The following EPG5 variants were observed in gnomAD, a reference collection of about 807,000 sequenced individuals.
EPG5 encodes the protein ectopic P granules protein 5 homolog.
Under a neutral mutation model 302.7 loss-of-function variants are expected in EPG5, and 159 were observed. The observed-to-expected ratio is 0.53, with a 90% CI of 0.46 to 0.60. EPG5 has a LOEUF of 0.60. Ranked by LOEUF, EPG5 falls within the 20% of genes least tolerant of loss-of-function variation. The pLI is 0.00. For missense variants in EPG5, 2,896 were observed against 3,092.4 expected, an observed-to-expected ratio of 0.94 and a Z score of 1.51; for synonymous variants, 1,158 against 1,136.8, an observed-to-expected ratio of 1.02 and a Z score of -0.37.
At position 45,910,515 on chromosome 18, in the gene EPG5, A is replaced by G; in HGVS notation, c.4205+6T>C. On this transcript the variant is annotated splice_donor_region_variant and intron_variant, in intron 23 of 43. Coordinates refer to ENST00000282041, the MANE Select transcript of EPG5 (RefSeq NM_020964.3). ...ACAATGTAGGTGGCTAAATAACCAT[A>G]CTCACCTCACCAGCTCCTTGTGCAG... The G allele has an allele frequency of 6.3e-7, 1 of 1,593,754 alleles. No individual in the cohort carries two copies. The highest frequency in any genetic ancestry group is 1.1e-5 in the South Asian group (1 of 88,608).
rs2050980312 is a variant in EPG5 at position 45,954,471 on chromosome 18, G to C, written c.931C>G (p.Leu311Val). The C allele has an allele frequency of 1.2e-6, 2 of 1,614,210 alleles. No homozygotes were observed. Among genetic ancestry groups the C allele is most frequent in the Non-Finnish European group, 1.7e-6 (2 of 1,180,030 alleles). ...RKQLLLAEAE[L>V]LTLTSDCQNA... ...TGGCAATCAGATGTCAGAGTAAGCAGCTCAGCTTCAGCCAGCAGCAGTTGC... is the reference window on the plus strand; with the variant it reads ...TGGCAATCAGATGTCAGAGTAAGCACCTCAGCTTCAGCCAGCAGCAGTTGC... The change falls in exon 2 of 44, where the codon CTG becomes GTG. Residue 311 changes from leucine to valine, a missense_variant. Physicochemically the swap from Leu to Val is conservative, Grantham distance 32. Around this residue, in one of 5 missense-constraint regions of EPG5, gnomAD observed 1,390 missense variants for 1,430.0 expected, o/e 0.97. Transcript: ENST00000282041.
chr18:45,903,142 T>C (rs1247850813), intron 25 of EPG5, among the ~76,000 whole-genome samples: 1 of 152,192 alleles, frequency 6.6e-6, no homozygotes, highest in African/African-American at 2.4e-5. Context: ...CTTTCAGGAA[T>C]AGAAAAATGA....
intron 32 of EPG5, among the ~76,000 whole-genome samples, chr18:45,879,667 C>A (rs112714522): frequency 1.1e-3 from 162 of 152,272 alleles, no homozygotes; most frequent in Non-Finnish European, 1.7e-3. Context: ...CCGCGCCAGG[C>A]CATCAGTGGG....
chr18:45,926,597 T>G (rs1425668118), intron 13 of EPG5, among the ~76,000 whole-genome samples: 1 of 151,870 alleles, frequency 6.6e-6, no homozygotes. Context: ...GGGGCCCAGG[T>G]GGACAGATCA....
At chr18:45,875,409 A>C (rs760380571) in intron 35 of EPG5, among the ~76,000 whole-genome samples, 3 of 152,228 alleles carry the variant, frequency 2.0e-5, no homozygotes, top group Non-Finnish European at 4.4e-5. Flanking sequence ...GGAAATAAAA[A>C]ATAGAATTTT....
rs762400421 is a variant in EPG5 at position 45,866,900 on chromosome 18, C to G, written c.6519G>C (p.Pro2173=). The G allele has an allele frequency of 2.5e-6, 4 of 1,613,830 alleles. No individual in the cohort carries two copies. The highest frequency in any genetic ancestry group is 1.3e-5 in the African/African-American group (1 of 74,906). The part of the protein sequence containing the change: ...SVLSYFSSHY[P]PSIILAKESY... ...ATTCTTTTGCCAGGATGATGGACGG[C>G]GGGTAATGGCTGCTGAAATAACTTA... Residue 2173 remains proline (P), a synonymous_variant, in exon 38 of 44, where the codon CCG becomes CCC. Transcript: ENST00000282041.
At chr18:45,917,893 G>C in intron 16 of EPG5, 74 bp from the exon 17 acceptor site, 1 of 1,550,276 alleles carries the variant, frequency 6.5e-7, no homozygotes, top group Non-Finnish European at 8.8e-7. Flanking sequence ...AATGAGTTAT[G>C]AGCCTTCAAT....
the EPG5 span, among the ~76,000 whole-genome samples, chr18:45,824,951 G>A: frequency 1.3e-5 from 2 of 152,010 alleles, no homozygotes; most frequent in African/African-American, 4.8e-5. Flanking sequence ...ACCCCCAAGT[G>A]CCAAGGGAAG....
At chr18:45,931,119 C>G (rs1388095076) in intron 11 of EPG5, among the ~76,000 whole-genome samples, 1 of 152,222 alleles carries the variant, frequency 6.6e-6, no homozygotes, top group African/African-American at 2.4e-5. Flanking sequence ...TAGCATGTCA[C>G]TGGTGACGTG....
At chr18:45,814,659 G>A in the EPG5 span, among the ~76,000 whole-genome samples, 1 of 152,088 alleles carries the variant, frequency 6.6e-6, no homozygotes, top group East Asian at 1.9e-4. Context: ...GAGGTTGAAG[G>A]GTCCCTAGAG....
At chr18:45,802,059 C>T in the EPG5 span, among the ~76,000 whole-genome samples, 1 of 152,156 alleles carries the variant, frequency 6.6e-6, no homozygotes, top group East Asian at 1.9e-4. Flanking sequence ...CTCCCTCCTA[C>T]CCCCAGCTCT....
At chr18:45,895,619 G>A (rs949503874) in intron 27 of EPG5, among the ~76,000 whole-genome samples, 13 of 152,138 alleles carry the variant, frequency 8.5e-5, no homozygotes, top group African/African-American at 2.9e-4. Flanking sequence ...AAGAAACCCT[G>A]GAAACTGAGA....
chr18:45,840,227 G>C, the EPG5 span: 1 of 1,612,546 alleles, frequency 6.2e-7, no homozygotes, highest in South Asian at 1.1e-5. Flanking sequence ...TGGACACCCC[G>C]GACACCCCAC....
intron 24 of EPG5, among the ~76,000 whole-genome samples, chr18:45,906,593 C>T (rs1176398093): frequency 6.6e-6 from 1 of 152,126 alleles, no homozygotes; most frequent in African/African-American, 2.4e-5. Context: ...ACTCCAGGCC[C>T]AATCCAAATC....
intron 22 of EPG5, 51 bp downstream of exon 22, chr18:45,912,239 G>A: frequency 1.4e-6 from 2 of 1,477,952 alleles, no homozygotes; most frequent in South Asian, 1.4e-5. Context: ...AATGAGAGCA[G>A]TGCAAAGGCA....
chr18:45,836,650 G>T, the EPG5 span, among the ~76,000 whole-genome samples: 2 of 152,208 alleles, frequency 1.3e-5, no homozygotes, highest in Non-Finnish European at 2.9e-5. Context: ...TGCTTGCACA[G>T]AGCAAGGAGG....
chr18:45,954,863 T>G lies in EPG5; in HGVS notation c.539A>C (p.Glu180Ala). ...AGAACAAACCAGGCCTTGTTTGTCTTCTTTACTATTCTGAGTTTCTCTGAC... is the reference window on the plus strand; with the variant it reads ...AGAACAAACCAGGCCTTGTTTGTCTGCTTTACTATTCTGAGTTTCTCTGAC... Reference protein sequence around the residue: ...IQVRETQNSKEDKQGLVCSSE... With the variant: ...IQVRETQNSKADKQGLVCSSE... The change falls in exon 2 of 44, where the codon GAA becomes GCA. Residue 180 changes from glutamate (E) to alanine (A), a missense_variant. Glu to Ala is a moderately radical substitution (Grantham distance 107). Around this residue, in one of 5 missense-constraint regions of EPG5, gnomAD observed 1,390 missense variants for 1,430.0 expected, o/e 0.97. Coordinates refer to ENST00000282041, the MANE Select transcript of EPG5 (RefSeq NM_020964.3). 6.2e-7 allele frequency: 1 copy of G among 1,614,164 alleles called. No homozygotes were observed. The highest frequency in any genetic ancestry group is 8.5e-7 in the Non-Finnish European group (1 of 1,180,020).
At chr18:45,927,600 A>G (rs56702774) in intron 13 of EPG5, among the ~76,000 whole-genome samples, 14,628 of 145,526 alleles carry the variant, frequency 0.1, 1,049 homozygotes, top group East Asian at 0.28. Flanking sequence ...TTATACACAC[A>G]CACACACACA....
At chr18:45,835,113 G>A in the EPG5 span, among the ~76,000 whole-genome samples, 1 of 152,120 alleles carries the variant, frequency 6.6e-6, no homozygotes, top group Non-Finnish European at 1.5e-5. Flanking sequence ...AAAGCAGGTT[G>A]TATGAAAAAA....
Sources: allele counts gnomAD v4.1 joint callset (sites outside exome capture counted in the v4.1 genomes callset), GRCh38; gene constraint gnomAD v4.1.1; regional missense constraint gnomAD v4.1.1; transcripts MANE v1.5; gene names NCBI Gene and HGNC (gene_info 2026-07-23, HGNC 2026-07-21).